The following PCCA variants were observed in gnomAD, a reference collection of about 807,000 sequenced individuals.
The protein encoded by PCCA is propionyl-CoA carboxylase alpha chain, mitochondrial.
PCCA carries 74 observed loss-of-function variants against 101.3 expected under a neutral mutation model. The observed-to-expected ratio is 0.73, with a 90% CI of 0.61 to 0.89. The LOEUF is 0.89. Among genes scored for constraint, PCCA ranks in the 40% least tolerant of loss-of-function variants. The pLI is 0.00. For missense variants in PCCA, 891 were observed against 907.0 expected (o/e 0.98, Z 0.23); for synonymous variants, 294 against 313.6 (o/e 0.94, Z 0.66).
intron 18 of PCCA, among the ~76,000 whole-genome samples, chr13:100,349,379 G>A (rs552158951): frequency 3.3e-5 from 5 of 152,080 alleles, no homozygotes; most frequent in East Asian, 1.9e-4. Context: ...CACCCACCTC[G>A]GCCTCCCAAA....
intron 18 of PCCA, among the ~76,000 whole-genome samples, chr13:100,364,679 G>A (rs974572161): frequency 2.0e-5 from 3 of 152,140 alleles, no homozygotes; most frequent in African/African-American, 7.2e-5. Flanking sequence ...TCACAGTTTC[G>A]ACTCTGTTTT....
chr13:100,461,869 G>A (rs776349597), intron 21 of PCCA, among the ~76,000 whole-genome samples: 4 of 152,134 alleles, frequency 2.6e-5, no homozygotes, highest in Non-Finnish European at 2.9e-5. Context: ...AAAGAGAAAC[G>A]GATAGAAAGT....
At chr13:100,414,407 T>C (rs1465496269) in intron 19 of PCCA, among the ~76,000 whole-genome samples, 1 of 152,158 alleles carries the variant, frequency 6.6e-6, no homozygotes, top group Non-Finnish European at 1.5e-5. Flanking sequence ...GAAAGCAGGG[T>C]AAAGAAAGCC....
At chr13:100,279,414 A>T (rs2063911870) in intron 12 of PCCA, among the ~76,000 whole-genome samples, 1 of 152,204 alleles carries the variant, frequency 6.6e-6, no homozygotes, top group East Asian at 1.9e-4. Context: ...TTTGGACTTC[A>T]TATGTGTTCA....
chr13:100,512,002 A>C (rs957808990), intron 21 of PCCA, among the ~76,000 whole-genome samples: 2 of 152,190 alleles, frequency 1.3e-5, no homozygotes, highest in African/African-American at 4.8e-5. Flanking sequence ...GGGTGCAGGC[A>C]TACATGCCCA....
chr13:100,220,574 C>T (rs2059766216), intron 7 of PCCA, among the ~76,000 whole-genome samples: 1 of 152,070 alleles, frequency 6.6e-6, no homozygotes, highest in Admixed American at 6.6e-5. Flanking sequence ...CCCCGTCATT[C>T]ACAGTTTTTC....
At chr13:100,100,266 G>A (rs113716940) in intron 1 of PCCA, among the ~76,000 whole-genome samples, 7 of 152,240 alleles carry the variant, frequency 4.6e-5, no homozygotes, top group African/African-American at 1.4e-4. Flanking sequence ...CCATTTTCAG[G>A]CATTTCTTTT....
At chr13:100,239,516 T>C (rs2060996067) in intron 8 of PCCA, among the ~76,000 whole-genome samples, 2 of 152,192 alleles carry the variant, frequency 1.3e-5, no homozygotes, top group South Asian at 4.1e-4. Context: ...ATTTGTTTTT[T>C]GGACTACCTA....
At chr13:100,428,389 A>G (rs1454195712) in intron 20 of PCCA, among the ~76,000 whole-genome samples, 4 of 129,092 alleles carry the variant, frequency 3.1e-5, no homozygotes, top group Non-Finnish European at 6.3e-5. Context: ...CATGATTTAA[A>G]TCCGAGCAGT....
chr13:100,347,086 AG>A (rs1236132865), intron 18 of PCCA, among the ~76,000 whole-genome samples: 1 of 152,188 alleles, frequency 6.6e-6, no homozygotes, highest in African/African-American at 2.4e-5. Flanking sequence ...CGTGTTAGCC[AG>A]GATGGTCACG....
At chr13:100,488,531 T>C (rs2084589724) in intron 21 of PCCA, among the ~76,000 whole-genome samples, 1 of 152,018 alleles carries the variant, frequency 6.6e-6, no homozygotes, top group Admixed American at 6.6e-5. Flanking sequence ...CCCAATACCT[T>C]GGAGGCTGAG....
chr13:100,415,139 C>G (rs2078279953), intron 19 of PCCA, among the ~76,000 whole-genome samples: 1 of 151,268 alleles, frequency 6.6e-6, no homozygotes, highest in Non-Finnish European at 1.5e-5. Flanking sequence ...AACAGTGGCT[C>G]ATGCCTGTAA....
intron 19 of PCCA, among the ~76,000 whole-genome samples, chr13:100,415,973 A>C (rs535202333): frequency 5.3e-5 from 8 of 152,314 alleles, no homozygotes; most frequent in Non-Finnish European, 1.2e-4. Context: ...TGTCAGTAAT[A>C]TCTCTCAAAT....
chr13:100,104,897 T>G (rs752816597), intron 2 of PCCA, among the ~76,000 whole-genome samples: 23 of 152,000 alleles, frequency 1.5e-4, no homozygotes, highest in Non-Finnish European at 5.9e-5. Flanking sequence ...AGAGACAGGG[T>G]TTCACCATGT....
chr13:100,204,517 G>A (rs900405034), intron 6 of PCCA, among the ~76,000 whole-genome samples: 2 of 152,088 alleles, frequency 1.3e-5, no homozygotes, highest in African/African-American at 4.8e-5. Context: ...AAATCTATAC[G>A]CTTTAAAATC....
At chr13:100,179,041 C>T (rs1205836565) in intron 6 of PCCA, among the ~76,000 whole-genome samples, 7 of 148,344 alleles carry the variant, frequency 4.7e-5, no homozygotes, top group African/African-American at 1.7e-4. Context: ...CGTGCCACTG[C>T]ACTCCAGCCT....
intron 19 of PCCA, among the ~76,000 whole-genome samples, chr13:100,391,840 A>G (rs543055080): frequency 3.3e-5 from 5 of 152,244 alleles, no homozygotes; most frequent in Admixed American, 6.5e-5. Context: ...ATACATTAAC[A>G]TCATATTTTC....
intron 21 of PCCA, among the ~76,000 whole-genome samples, chr13:100,514,921 G>A (rs1399085875): frequency 1.3e-5 from 2 of 152,244 alleles, no homozygotes; most frequent in East Asian, 3.9e-4. Flanking sequence ...ATACTATTTT[G>A]CCCAAAATGA....
intron 19 of PCCA, among the ~76,000 whole-genome samples, chr13:100,422,859 A>T: frequency 1.4e-5 from 2 of 147,340 alleles, no homozygotes; most frequent in African/African-American, 5.0e-5. Flanking sequence ...TTCTTCTTTG[A>T]GCTCTTTTTT....
Sources: allele counts gnomAD v4.1 joint callset (sites outside exome capture counted in the v4.1 genomes callset), GRCh38; gene constraint gnomAD v4.1.1; transcripts MANE v1.5; gene names NCBI Gene and HGNC (gene_info 2026-07-23, HGNC 2026-07-21).